POLR3C: variants seen among roughly 807,000 people sequenced by gnomAD.
The protein encoded by POLR3C is RNA polymerase III subunit C.
A neutral mutation model predicts 65.9 loss-of-function variants in POLR3C; 44 were observed. That is an observed-to-expected ratio of 0.67 (90% confidence interval 0.52 to 0.86). POLR3C has a LOEUF of 0.86. POLR3C is among the 40% of genes least tolerant of loss of function. POLR3C has a pLI of 0.00. For missense variants in POLR3C, 576 were observed against 653.2 expected, an observed-to-expected ratio of 0.88 and a Z score of 1.29; for synonymous variants, 263 against 231.6, an observed-to-expected ratio of 1.14 and a Z score of -1.23.
intron 1 of POLR3C, 40 bp from the exon 2 acceptor site, chr1:145,825,717 A>G (rs1553725579): frequency 2.2e-6 from 3 of 1,389,160 alleles, no homozygotes; most frequent in Non-Finnish European, 3.0e-6. Context: ...TTCCAGCGTG[A>G]AAGACTTTCT....
intron 1 of POLR3C, among the ~76,000 whole-genome samples, chr1:145,825,090 A>G (rs2101626539): frequency 6.6e-6 from 1 of 152,016 alleles, no homozygotes; most frequent in South Asian, 2.1e-4. Context: ...GTCACTTAAT[A>G]TATTATGAGT....
rs1553730770 is a variant in POLR3C at position 145,842,338 on chromosome 1, G to A, written c.1524-1G>A. ...GGCAAATGCCTTTACTTTTCACTCA[G>A]GTTGGATGCCAGTGAGATCCAGGTG... On this transcript the variant is annotated splice_acceptor_variant, in intron 14 of 14. Transcript: ENST00000334163. LOFTEE classifies it high-confidence loss of function. 6.3e-7 allele frequency: 1 copy of A among 1,596,794 alleles called. No homozygotes were observed. Among genetic ancestry groups the A allele is most frequent in the East Asian group, 2.2e-5 (1 of 44,806 alleles).
In POLR3C at chr1:145,833,247, ATCT is replaced by A. The variant is rs781822602; in HGVS notation, c.679-11_679-9del. On this transcript the variant is annotated splice_polypyrimidine_tract_variant and intron_variant, in intron 5 of 14. Coordinates refer to ENST00000334163, the MANE Select transcript of POLR3C (RefSeq NM_006468.8). ...ACACTATAGCTAAATGTTTCTCTAAATCTTTTCCTCAGCCCATTCCAGATGATG... is the reference window on the plus strand; with the variant it reads ...ACACTATAGCTAAATGTTTCTCTAAATTTCCTCAGCCCATTCCAGATGATG... 3 of 1,531,012 alleles carry A rather than the reference ATCT, an allele frequency of 2.0e-6. No homozygotes were observed. Among genetic ancestry groups the A allele is most frequent in the Non-Finnish European group, 2.7e-6 (3 of 1,111,416 alleles). 94.8% of individuals were successfully genotyped at this position (1,531,012 alleles called of 1,614,324 possible).
In POLR3C at chr1:145,826,550, G is replaced by A. The variant is rs1553725786; in HGVS notation, c.244G>A (p.Val82Ile). The A allele has an allele frequency of 1.9e-6, 3 of 1,614,008 alleles. No homozygotes were observed. Among genetic ancestry groups the A allele is most frequent in the Non-Finnish European group, 2.5e-6 (3 of 1,179,990 alleles). ...GGAGTATGAAGCCCAGTGCAGCCGG[G>A]TATTGCGAATGCTTAGATATCCCCG... The part of the protein sequence containing the change: ...VVEYEAQCSR[V>I]LRMLRYPRYI... Residue 82 changes from valine (V) to isoleucine (I), a missense_variant, in exon 3 of 15, where the codon GTA (valine) becomes ATA (isoleucine). By Grantham distance (29) the Val-to-Ile change is conservative (BLOSUM62 3). Transcript: ENST00000334163.
intron 1 of POLR3C, 106 bp downstream of exon 1, chr1:145,824,475 C>T: frequency 8.3e-7 from 1 of 1,211,978 alleles, no homozygotes; most frequent in Non-Finnish European, 1.1e-6. Context: ...AGCCAAGCGC[C>T]TTGGAAGCCC....
chr1:145,841,995 T>A (rs1553730695), intron 14 of POLR3C, among the ~76,000 whole-genome samples: 2 of 152,176 alleles, frequency 1.3e-5, no homozygotes, highest in African/African-American at 4.8e-5. Flanking sequence ...TTCTTCCTAA[T>A]CACCACTCAC....
rs587747460 is a variant in POLR3C, at chr1:145,839,140, G to A, written c.1222-750G>A. Among the ~76,000 whole-genome samples the A allele has an allele frequency of 1.2e-4, 18 of 152,162 alleles. No homozygotes were observed. In the South Asian group the frequency reaches 3.1e-3, roughly 26 times the overall value. ...ACAAAAATTAGCTGGGCGTGGTGCCGTGTGTCTGTAATCCCAGCTACTCAG... is the reference window on the plus strand; with the variant it reads ...ACAAAAATTAGCTGGGCGTGGTGCCATGTGTCTGTAATCCCAGCTACTCAG... On this transcript the variant is annotated intron_variant, in intron 11 of 14. Transcript: ENST00000334163.
intron 7 of POLR3C, among the ~76,000 whole-genome samples, chr1:145,836,119 C>A (rs12139260): frequency 7.5e-6 from 1 of 133,220 alleles, no homozygotes; most frequent in Admixed American, 7.6e-5. Flanking sequence ...AAAATTAAAA[C>A]TTTTTTTTTT....
Position 145,842,993 on chromosome 1 carries a change from TA to T in POLR3C, c.*574del, listed in dbSNP as rs1424686950. Among the ~76,000 whole-genome samples, 27 of 152,210 alleles carry T rather than the reference TA, an allele frequency of 1.8e-4. No individual in the cohort carries two copies. The highest frequency in any genetic ancestry group is 6.0e-4 in the African/African-American group (25 of 41,528). On this transcript the variant is annotated 3_prime_UTR_variant, in exon 15 of 15. Coordinates refer to ENST00000334163, the MANE Select transcript of POLR3C (RefSeq NM_006468.8). ...CATACCCAGCTATTTTTTATTTATTTATTTATTTTTTTGTAGAGACAGGGCC... is the reference window on the plus strand; with the variant it reads ...CATACCCAGCTATTTTTTATTTATTTTTTATTTTTTTGTAGAGACAGGGCC...
At chr1:145,824,807 C>CT (rs1650566200) in intron 1 of POLR3C, among the ~76,000 whole-genome samples, 1 of 152,104 alleles carries the variant, frequency 6.6e-6, no homozygotes, top group Non-Finnish European at 1.5e-5. Context: ...TCCTAAATTT[C>CT]TTTTTCGAAA....
intron 5 of POLR3C, among the ~76,000 whole-genome samples, chr1:145,830,155 C>T (rs962995866): frequency 4.6e-5 from 7 of 151,700 alleles, no homozygotes; most frequent in Admixed American, 2.0e-4. Flanking sequence ...TGAAGCTCTC[C>T]GTACCTTTCA....
At chr1:145,840,863 C>G in intron 13 of POLR3C, 59 bp from the exon 14 acceptor site, 6 of 1,366,778 alleles carry the variant, frequency 4.4e-6, no homozygotes, top group Non-Finnish European at 6.3e-6. Flanking sequence ...CTCAGACACA[C>G]GTGGTAAGAG....
chr1:145,825,664 G>A (rs1295304754), intron 1 of POLR3C, 93 bp from the exon 2 acceptor site: 2 of 648,154 alleles, frequency 3.1e-6, no homozygotes, highest in African/African-American at 1.8e-5. Context: ...TTGTCAAATT[G>A]CCCTCCAGAA....
rs1652501026 is a variant in POLR3C at position 145,844,310 on chromosome 1, C to T, written c.*1890C>T. ...AGGCTAAAGAAAATGTATTATTCAGCCATAAGAATGAATGAAATCCTGTCA... is the reference window on the plus strand; with the variant it reads ...AGGCTAAAGAAAATGTATTATTCAGTCATAAGAATGAATGAAATCCTGTCA... On this transcript the variant is annotated 3_prime_UTR_variant, in exon 15 of 15. Transcript: ENST00000334163. 6.6e-6 allele frequency among the ~76,000 whole-genome samples: 1 copy of T among 152,130 alleles called. No individual in the cohort carries two copies.
At chr1:145,827,404 G>C (rs1460281902) in intron 4 of POLR3C, among the ~76,000 whole-genome samples, 1 of 152,092 alleles carries the variant, frequency 6.6e-6, no homozygotes, top group Non-Finnish European at 1.5e-5. Flanking sequence ...ATTGCATGAG[G>C]CCAGGAGTTC....
At chr1:145,832,625 G>C (rs587694790) in intron 5 of POLR3C, among the ~76,000 whole-genome samples, 51 of 152,300 alleles carry the variant, frequency 3.3e-4, no homozygotes, top group African/African-American at 1.2e-3. Context: ...TTCTGGCCTA[G>C]TGTCTTCTAT....
chr1:145,835,266 G>A (rs1651711250), intron 7 of POLR3C, among the ~76,000 whole-genome samples: 1 of 151,232 alleles, frequency 6.6e-6, no homozygotes, highest in African/African-American at 2.4e-5. Flanking sequence ...CCAACATGGT[G>A]AAACCTCATC....
At position 145,842,899 on chromosome 1, in the gene POLR3C, ACCT is replaced by A; in HGVS notation, c.*483_*485del. On this transcript the variant is annotated 3_prime_UTR_variant, in exon 15 of 15. Transcript: ENST00000334163. The stretch of plus-strand genomic sequence containing the variant: ...GCAATCACAGCTCCCTACAGCCTTG[ACCT>A]CCTGAGCTCAAGCAGTCCTTCCACC... Among the ~76,000 whole-genome samples, 1 of 152,002 alleles carries A rather than the reference ACCT, an allele frequency of 6.6e-6. No homozygotes were observed. The highest frequency in any genetic ancestry group is 2.4e-5 in the African/African-American group (1 of 41,446).
chr1:145,833,833 T>G (rs1286152189), intron 7 of POLR3C, among the ~76,000 whole-genome samples: 1 of 152,206 alleles, frequency 6.6e-6, no homozygotes, highest in Non-Finnish European at 1.5e-5. Flanking sequence ...CTAATTATTT[T>G]AAGAATCCAC....
Sources: allele counts gnomAD v4.1 joint callset (sites outside exome capture counted in the v4.1 genomes callset), GRCh38; gene constraint gnomAD v4.1.1; transcripts MANE v1.5; gene names NCBI Gene and HGNC (gene_info 2026-07-23, HGNC 2026-07-21).